The following ZNF723 variants were observed in gnomAD, a reference collection of about 807,000 sequenced individuals.
ZNF723 encodes the protein zinc finger protein 723, also known as zinc finger protein 723, pseudogene.
In ZNF723, 5 loss-of-function variants were observed where a neutral mutation model predicts 9.4. The observed-to-expected ratio is 0.53, with a 90% CI of 0.28 to 1.12. The LOEUF is 1.12. ZNF723 is among the 50% of genes most tolerant of loss of function. The pLI, the probability that ZNF723 is intolerant of heterozygous loss-of-function variation, is 0.10. For missense variants in ZNF723, 450 were observed against 501.5 expected (o/e 0.90, Z 0.98); for synonymous variants, 158 against 168.8 (o/e 0.94, Z 0.49).
rs536409796 is a variant in ZNF723, at chr19:22,836,171, G to A, written c.3+3789G>A. 8.5e-5 allele frequency among the ~76,000 whole-genome samples: 13 copies of A among 152,196 alleles called. No individual in the cohort carries two copies. The East Asian group carries it at 1.2e-3, about 14-fold the overall frequency. On this transcript the variant is annotated intron_variant, in intron 1 of 3. Coordinates refer to ENST00000600766, the MANE Select transcript of ZNF723 (RefSeq NM_001349726.2). ...CGTTAGTTCTTCCTGGGGAGCCTCCGCTGCAGATTTCCCAGCCTGCTCACC... is the reference window on the plus strand; with the variant it reads ...CGTTAGTTCTTCCTGGGGAGCCTCCACTGCAGATTTCCCAGCCTGCTCACC...
chr19:22,848,122 T>A (rs888333740), intron 1 of ZNF723, 139 bp from the exon 2 acceptor site: 5 of 374,424 alleles, frequency 1.3e-5, no homozygotes, highest in Non-Finnish European at 1.9e-5. Flanking sequence ...AAAAAAAAAA[T>A]TATTGGAGGA....
At chr19:22,840,638 C>T (rs754233612) in intron 1 of ZNF723, 19 of 152,026 alleles carry the variant, frequency 1.2e-4, no homozygotes, top group Non-Finnish European at 2.8e-4. Context: ...TTTATTTTCT[C>T]TTGATATAAT....
chr19:22,819,863 T>G, the ZNF723 span, among the ~76,000 whole-genome samples: 1 of 152,142 alleles, frequency 6.6e-6, no homozygotes, highest in Admixed American at 6.5e-5. Flanking sequence ...CTCCTCTTTT[T>G]CCCAGGCCCT....
intron 1 of ZNF723, among the ~76,000 whole-genome samples, chr19:22,833,353 A>G (rs1038867236): frequency 2.0e-5 from 3 of 151,782 alleles, no homozygotes; most frequent in Non-Finnish European, 2.9e-5. Flanking sequence ...GGGTTTCACC[A>G]TGTTGGCCAG....
chr19:22,829,577 G>A (rs117348400), upstream of ZNF723, among the ~76,000 whole-genome samples: 531 of 152,162 alleles, frequency 3.5e-3, 5 homozygotes, highest in East Asian at 0.041. Flanking sequence ...GAACAACCAC[G>A]CCCGGCCAAT....
At chr19:22,837,380 A>T (rs1390368073) in intron 1 of ZNF723, among the ~76,000 whole-genome samples, 1 of 152,006 alleles carries the variant, frequency 6.6e-6, no homozygotes, top group African/African-American at 2.4e-5. Flanking sequence ...TGCAATAAGG[A>T]CAATATTGTG....
intron 3 of ZNF723, among the ~76,000 whole-genome samples, chr19:22,850,501 T>G (rs1967379474): frequency 6.9e-6 from 1 of 144,384 alleles, no homozygotes; most frequent in Non-Finnish European, 1.5e-5. Context: ...GGTCTTTTTT[T>G]TTTTTCTTTT....
chr19:22,832,526 C>G (rs1967110099), intron 1 of ZNF723, 144 bp downstream of exon 1: 1 of 967,950 alleles, frequency 1.0e-6, no homozygotes, highest in Non-Finnish European at 1.5e-6. Context: ...CCTCAGACAC[C>G]TTCAGCGATA....
chr19:22,834,535 G>C (rs913082469), intron 1 of ZNF723, among the ~76,000 whole-genome samples: 1 of 151,922 alleles, frequency 6.6e-6, no homozygotes, highest in Non-Finnish European at 1.5e-5. Context: ...CGAAGATACT[G>C]TGTCTATGTC....
intron 3 of ZNF723, among the ~76,000 whole-genome samples, chr19:22,852,613 A>T (rs924807580): frequency 6.6e-6 from 1 of 152,176 alleles, no homozygotes; most frequent in Non-Finnish European, 1.5e-5. Flanking sequence ...TTTGGACTTG[A>T]CAATAATTTA....
chr19:22,855,700 A>G (rs1397938747), intron 3 of ZNF723, among the ~76,000 whole-genome samples: 4 of 151,942 alleles, frequency 2.6e-5, no homozygotes, highest in Non-Finnish European at 5.9e-5. Flanking sequence ...CTTGATAGGT[A>G]TTTTTCCAGG....
Position 22,857,238 on chromosome 19 carries a change from G to A in ZNF723, c.347G>A (p.Gly116Asp). The A allele has an allele frequency of 1.2e-6, 1 of 868,732 alleles. No homozygotes were observed. The highest frequency in any genetic ancestry group is 1.9e-6 in the Non-Finnish European group (1 of 514,350). 53.8% of individuals were successfully genotyped at this position (868,732 alleles called of 1,614,324 possible). A position where few individuals can be genotyped will look rare whatever the true frequency, so the allele number is the denominator to read the frequency against. Residue 116 changes from glycine (G) to aspartate (D), a missense_variant, in exon 4 of 4, where the codon GGC (glycine) becomes GAC (aspartate). Physicochemically the swap from Gly to Asp is moderately conservative, Grantham distance 94. This residue lies in a region of ZNF723 where 143 missense variants were observed against 101.3 expected (regional missense o/e 1.41). Coordinates refer to ENST00000600766, the MANE Select transcript of ZNF723 (RefSeq NM_001349726.2). The part of the protein sequence containing the change: ...YGHDNLQLRK[G>D]CESVDECKMH... ...CATGACAATTTACAATTAAGAAAAG[G>A]CTGTGAAAGTGTGGATGAGTGTAAG...
At chr19:22,846,608 A>G (rs1337035630) in intron 1 of ZNF723, among the ~76,000 whole-genome samples, 2 of 152,138 alleles carry the variant, frequency 1.3e-5, no homozygotes, top group African/African-American at 4.8e-5. Context: ...GGATGACACA[A>G]TGAGACTCTG....
intron 1 of ZNF723, among the ~76,000 whole-genome samples, chr19:22,847,847 T>A (rs1967335431): frequency 6.6e-6 from 1 of 152,096 alleles, no homozygotes; most frequent in Non-Finnish European, 1.5e-5. Flanking sequence ...ACACCTGTAA[T>A]CCCAGCACTT....
the ZNF723 span, among the ~76,000 whole-genome samples, chr19:22,824,475 C>T: frequency 6.6e-6 from 1 of 152,110 alleles, no homozygotes; most frequent in Non-Finnish European, 1.5e-5. Context: ...ACAATGATGA[C>T]ACCCACAAAC....
At chr19:22,828,479 C>A (rs999296578), upstream of ZNF723, among the ~76,000 whole-genome samples, 3 of 152,114 alleles carry the variant, frequency 2.0e-5, no homozygotes, top group African/African-American at 7.2e-5. Context: ...AAGGTGAAAC[C>A]CCATGTCTAC....
In ZNF723 at chr19:22,849,255, G is replaced by T; in HGVS notation, c.188G>T (p.Trp63Leu). The change falls in exon 3 of 4, where the codon TGG (tryptophan) becomes TTG (leucine). Residue 63 changes from tryptophan (W) to leucine (L), a missense_variant. Trp to Leu is a moderately conservative substitution (Grantham distance 61). This residue lies in a region of ZNF723 where 143 missense variants were observed against 101.3 expected (regional missense o/e 1.41). Transcript: ENST00000600766. The part of the protein sequence containing the change: ...ITCLEQGKEP[W>L]NMKRHKMVAK... ...TGTCTGGAGCAAGGAAAAGAGCCCT[G>T]GAATATGAAGAGACACAAGATGGTA... 1 of 652,542 alleles carries T rather than the reference G, an allele frequency of 1.5e-6. No individual in the cohort carries two copies. 40.4% of individuals were successfully genotyped at this position (652,542 alleles called of 1,614,324 possible). A position where few individuals can be genotyped will look rare whatever the true frequency, so the allele number is the denominator to read the frequency against.
chr19:22,827,832 T>TG (rs1967054121), upstream of ZNF723, among the ~76,000 whole-genome samples: 1 of 151,958 alleles, frequency 6.6e-6, no homozygotes, highest in South Asian at 2.1e-4. Context: ...CCTAGCACTT[T>TG]GGGAGGTTGA....
chr19:22,839,950 C>T (rs1451762410), intron 1 of ZNF723, among the ~76,000 whole-genome samples: 1 of 151,898 alleles, frequency 6.6e-6, no homozygotes, highest in African/African-American at 2.4e-5. Flanking sequence ...TCTTTGCTTC[C>T]TTTTTAATAA....
Sources: allele counts gnomAD v4.1 joint callset (sites outside exome capture counted in the v4.1 genomes callset), GRCh38; gene constraint gnomAD v4.1.1; regional missense constraint gnomAD v4.1.1; transcripts MANE v1.5; gene names NCBI Gene and HGNC (gene_info 2026-07-23, HGNC 2026-07-21).